Variants in NAGPA observed in about 807,000 individuals in gnomAD.
The protein encoded by NAGPA is alpha-N-acetylglucosaminyl phosphodiesterase.
In NAGPA, 56 loss-of-function variants were observed where a neutral mutation model predicts 48.5. The ratio of observed to expected loss-of-function variants is 1.15; its 90% CI spans 0.93 to 1.44. The LOEUF is 1.44. Ranked by LOEUF, NAGPA falls within the 40% of genes most tolerant of loss-of-function variation. The pLI, the probability that NAGPA is intolerant of heterozygous loss-of-function variation, is 0.00. For missense variants in NAGPA, 888 were observed against 735.0 expected (o/e 1.21, Z -2.41); for synonymous variants, 399 against 315.5 (o/e 1.26, Z -2.81).
At chr16:5,027,810 C>T (rs1017779767) in intron 7 of NAGPA, 36 bp downstream of exon 7, 18 of 1,551,174 alleles carry the variant, frequency 1.2e-5, no homozygotes, top group African/African-American at 5.5e-5. Context: ...CGGGGGCCAC[C>T]GTCTCCCCAT....
At chr16:5,027,099 T>C in intron 9 of NAGPA, 36 bp downstream of exon 9, 1 of 1,612,200 alleles carries the variant, frequency 6.2e-7, no homozygotes, top group Non-Finnish European at 8.5e-7. Flanking sequence ...GGGGGATTCC[T>C]CCCGCCCTGG....
chr16:5,031,683 T>C, intron 3 of NAGPA, 62 bp downstream of exon 3: 2 of 1,609,714 alleles, frequency 1.2e-6, no homozygotes, highest in Non-Finnish European at 1.7e-6. Flanking sequence ...TAAGAACAGC[T>C]CCGCCCAGCC....
chr16:5,030,509 C>G lies in NAGPA; in HGVS notation c.683-16G>C, dbSNP rs1177691134. The stretch of plus-strand genomic sequence containing the variant: ...CTAAAGGAACCTGAAGGAAAAGCAG[C>G]CTGGCTGATCACCGCCCCTTGGGAG... On this transcript the variant is annotated splice_polypyrimidine_tract_variant and intron_variant, in intron 3 of 9. Transcript: ENST00000312251. 1 of 1,547,806 alleles carries G rather than the reference C, an allele frequency of 6.5e-7. No homozygotes were observed. Among genetic ancestry groups the G allele is most frequent in the East Asian group, 2.4e-5 (1 of 40,922 alleles).
intron 5 of NAGPA, chr16:5,028,448 T>C (rs1266454032): frequency 5.5e-6 from 4 of 728,234 alleles, no homozygotes; most frequent in Non-Finnish European, 7.1e-6. Flanking sequence ...TTGCCCACAC[T>C]GGTCTTAAAC....
At chr16:5,028,431 G>C in intron 5 of NAGPA, 2 of 785,584 alleles carry the variant, frequency 2.5e-6, no homozygotes. Context: ...TAAAGACAGG[G>C]TCTATGTTGC....
rs763386204 is a variant in NAGPA, at chr16:5,033,906, G to C, written c.9C>G (p.Thr3=). Residue 3 remains threonine, a synonymous_variant, in exon 1 of 10, where the codon ACC becomes ACG. Transcript: ENST00000312251. This position sits in a 1 kb window ranked among gnomAD's most constrained non-coding sequence, Gnocchi z 4.2. ...GGAGGAGAAGCCAGCGACCCGTGGA[G>C]GTCGCCATATTGGACCGGGGCCTCG... MA[T]STGRWLLLRL... The C allele has an allele frequency of 1.9e-5, 29 of 1,549,194 alleles. No individual in the cohort carries two copies. Among genetic ancestry groups the C allele is most frequent in the Admixed American group, 7.8e-5 (4 of 51,000 alleles).
chr16:5,033,863 A>G lies in NAGPA; in HGVS notation c.52T>C (p.Phe18Leu), dbSNP rs1253282100. 6.5e-7 allele frequency: 1 copy of G among 1,549,438 alleles called. No individual in the cohort carries two copies. ...WLLLRLALFGFLWEASGGLDS... is the reference protein window; with the variant it reads ...WLLLRLALFGLLWEASGGLDS... ...AGGCCGCCGGACGCTTCCCAGAGGA[A>G]GCCGAATAGTGCAAGCCGGAGGAGA... is the stretch of plus-strand genomic sequence containing the variant. Residue 18 changes from phenylalanine to leucine, a missense_variant, in exon 1 of 10, where the codon TTC becomes CTC. By Grantham distance (22) the Phe-to-Leu change is conservative. Transcript: ENST00000312251. This position sits in a 1 kb window ranked among gnomAD's most constrained non-coding sequence, Gnocchi z 4.2.
chr16:5,025,928 ATTT>A (rs566702374), intron 9 of NAGPA, among the ~76,000 whole-genome samples: 2 of 139,674 alleles, frequency 1.4e-5, no homozygotes, highest in African/African-American at 2.6e-5. Flanking sequence ...CCATCTCCTG[ATTT>A]TTTTTTTTTT....
chr16:5,028,666 T>C, intron 5 of NAGPA: 1 of 704,862 alleles, frequency 1.4e-6, no homozygotes, highest in Non-Finnish European at 2.4e-6. Context: ...ATCTCAGTTC[T>C]TATTCTGTCA....
At position 5,030,911 on chromosome 16, in the gene NAGPA, G is replaced by A. The variant is rs561551042; in HGVS notation, c.683-418C>T. The A allele has an allele frequency of 1.6e-5, 4 of 254,034 alleles. No homozygotes were observed. In the East Asian group the frequency reaches 3.1e-4, roughly 20 times the overall value. The allele number at this position is 254,034 out of a possible 1,614,324, so 15.7% of individuals were successfully genotyped here. A position where few individuals can be genotyped will look rare whatever the true frequency, so the allele number is the denominator to read the frequency against. ...CTTTGTCAGATCACCTCCTTAGTGAGGCCTTCCTTGACCGCCCACTCTTTT... is the reference window on the plus strand; with the variant it reads ...CTTTGTCAGATCACCTCCTTAGTGAAGCCTTCCTTGACCGCCCACTCTTTT... On this transcript the variant is annotated intron_variant, in intron 3 of 9. Transcript: ENST00000312251.
intron 4 of NAGPA, chr16:5,030,161 G>A (rs560923776): frequency 2.8e-5 from 17 of 602,466 alleles, no homozygotes; most frequent in Non-Finnish European, 4.1e-5. Context: ...CCTATCTAGG[G>A]TTCAGGAAAG....
rs751375440 is a variant in NAGPA, at chr16:5,033,740, G to A, written c.87-12C>T. The A allele has an allele frequency of 1.7e-5, 27 of 1,600,598 alleles. No homozygotes were observed. Among genetic ancestry groups the A allele is most frequent in the African/African-American group, 8.0e-5 (6 of 74,802 alleles). ...CGTCGCGGGAGGCCCTGCGGGGACG[G>A]GCGGCCGTGAGCTCAGGGGGCTGTC... On this transcript the variant is annotated splice_polypyrimidine_tract_variant and intron_variant, in intron 1 of 9. Transcript: ENST00000312251. This position sits in a 1 kb window ranked among gnomAD's most constrained non-coding sequence, Gnocchi z 4.2.
At position 5,025,786 on chromosome 16, in the gene NAGPA, A is replaced by C. The variant is rs1955990169; in HGVS notation, c.1341-101T>G. The C allele has an allele frequency of 3.2e-6, 4 of 1,248,930 alleles. No individual in the cohort carries two copies. In the East Asian group the frequency reaches 1.0e-4, roughly 32 times the overall value. The allele number at this position is 1,248,930 out of a possible 1,614,324, so 77.4% of individuals were successfully genotyped here. A position where few individuals can be genotyped will look rare whatever the true frequency, so the allele number is the denominator to read the frequency against. On this transcript the variant is annotated intron_variant, in intron 9 of 9. Coordinates refer to ENST00000312251, the MANE Select transcript of NAGPA (RefSeq NM_016256.4). ...CCTCTACCCGGCATAGATAGCACTA[A>C]ATCAGGTGCCTCCAGGGACCACACA... is the stretch of plus-strand genomic sequence containing the variant.
Position 5,033,105 on chromosome 16 carries a change from T to G in NAGPA, c.542+168A>C, listed in dbSNP as rs1956131332. Reference sequence around the variant, plus strand: ...TTGCCTGATACAAGCAAGTGCTCAATGATACTGGATGATGAATAAACTCTG... The same window carrying G: ...TTGCCTGATACAAGCAAGTGCTCAAGGATACTGGATGATGAATAAACTCTG... On this transcript the variant is annotated intron_variant, in intron 2 of 9. Transcript: ENST00000312251. The surrounding 1 kb of genome is among the most constrained non-coding windows in gnomAD (Gnocchi z 4.2). 1 of 800,004 alleles carries G rather than the reference T, an allele frequency of 1.2e-6. No individual in the cohort carries two copies. Among genetic ancestry groups the G allele is most frequent in the Non-Finnish European group, 2.0e-6 (1 of 501,756 alleles). The allele number at this position is 800,004 out of a possible 1,614,324, so 49.6% of individuals were successfully genotyped here. A position where few individuals can be genotyped will look rare whatever the true frequency, so the allele number is the denominator to read the frequency against.
intron 4 of NAGPA, chr16:5,030,176 G>C: frequency 1.6e-6 from 1 of 614,956 alleles, no homozygotes. Flanking sequence ...GGAAAGGTGA[G>C]GCCTAAAGCT....
In NAGPA at chr16:5,028,920, C is replaced by T; in HGVS notation, c.880G>A (p.Val294Met). ...NLDGGGSATF[V>M]LNGTLASYPS... ...TAACTGGCCAAGGTCCCGTTGAGCA[C>T]AAAGGTGGCAGAGCCACCCCCATCC... Residue 294 changes from valine (V) to methionine (M), a missense_variant, in exon 5 of 10, where the codon GTG (valine) becomes ATG (methionine). Physicochemically the swap from Val to Met is conservative, Grantham distance 21. Transcript: ENST00000312251. 1 of 1,614,106 alleles carries T rather than the reference C, an allele frequency of 6.2e-7. No homozygotes were observed. Among genetic ancestry groups the T allele is most frequent in the Non-Finnish European group, 8.5e-7 (1 of 1,180,042 alleles).
Position 5,031,718 on chromosome 16 carries a change from T to A in NAGPA, c.682+27A>T, listed in dbSNP as rs140897656. 7.4e-6 allele frequency: 12 copies of A among 1,613,852 alleles called. No individual in the cohort carries two copies. The East Asian group carries it at 2.7e-4, about 36-fold the overall frequency. ...CCACTGGTCCTGGTTCTCGAGAGGG[T>A]TGTTGCCAACAGCCTCCCCATCCAA... On this transcript the variant is annotated intron_variant, in intron 3 of 9. Coordinates refer to ENST00000312251, the MANE Select transcript of NAGPA (RefSeq NM_016256.4).
At chr16:5,031,452 T>C in intron 3 of NAGPA, 1 of 402,948 alleles carries the variant, frequency 2.5e-6, no homozygotes. Context: ...GATTTTTTTC[T>C]CTTCACTTTT....
At chr16:5,031,908 C>T (rs755863987) in intron 2 of NAGPA, 24 bp from the exon 3 acceptor site, 1 of 1,614,092 alleles carries the variant, frequency 6.2e-7, no homozygotes, top group Non-Finnish European at 8.5e-7. Context: ...AGGTGGGAAG[C>T]TCACTCACCA....
Sources: allele counts gnomAD v4.1 joint callset (sites outside exome capture counted in the v4.1 genomes callset), GRCh38; gene constraint gnomAD v4.1.1; non-coding constraint Gnocchi (gnomAD v3.1); transcripts MANE v1.5; gene names NCBI Gene and HGNC (gene_info 2026-07-23, HGNC 2026-07-21).